SRGAP2: variants seen among roughly 807,000 people sequenced by gnomAD.
The protein encoded by SRGAP2 is SLIT-ROBO Rho GTPase-activating protein 2.
Under a neutral mutation model 57.2 loss-of-function variants are expected in SRGAP2, and 15 were observed. The ratio of observed to expected loss-of-function variants is 0.26; its 90% CI spans 0.18 to 0.40. SRGAP2 has a LOEUF of 0.40. Ranked by LOEUF, SRGAP2 falls within the 10% of genes least tolerant of loss-of-function variation. The probability of loss-of-function intolerance (pLI) is 1.00; values close to 1 mark genes in which losing one functional copy is unlikely to be tolerated. For missense variants in SRGAP2, 520 were observed against 669.6 expected (o/e 0.78, Z 2.47); for synonymous variants, 249 against 248.0 (o/e 1.00, Z -0.04).
In SRGAP2 at chr1:206,463,526, G is replaced by A. The variant is rs565497983; in HGVS notation, c.*2106G>A. 6.5e-6 allele frequency: 1 copy of A among 152,784 alleles called. No individual in the cohort carries two copies. Among genetic ancestry groups the A allele is most frequent in the East Asian group, 1.9e-4 (1 of 5,192 alleles). 9.5% of individuals were successfully genotyped at this position (152,784 alleles called of 1,614,324 possible). A position where few individuals can be genotyped will look rare whatever the true frequency, so the allele number is the denominator to read the frequency against. ...CTCCAGCACACTCCCCTCTAAGAAA[G>A]TAAAAGCAAAGCTTTCTTAATGGCA... On this transcript the variant is annotated 3_prime_UTR_variant, in exon 23 of 23. Transcript: ENST00000573034.
chr1:206,305,513 A>T (rs1241742492), intron 3 of SRGAP2, among the ~76,000 whole-genome samples: 1 of 152,264 alleles, frequency 6.6e-6, no homozygotes, highest in Non-Finnish European at 1.5e-5. Context: ...CCATCTTCTG[A>T]ATTCTTACAG....
intron 2 of SRGAP2, among the ~76,000 whole-genome samples, chr1:206,230,631 T>G (rs1336301223): frequency 6.9e-6 from 1 of 145,330 alleles, no homozygotes; most frequent in Non-Finnish European, 1.5e-5. Flanking sequence ...GGAGCTGTAT[T>G]TTTTTTTTTT....
chr1:206,362,237 AGG>A (rs1676971071), intron 4 of SRGAP2, among the ~76,000 whole-genome samples: 1 of 141,480 alleles, frequency 7.1e-6, no homozygotes, highest in Non-Finnish European at 1.5e-5. Flanking sequence ...GAGGAAAGCC[AGG>A]ATCCTGCTCT....
chr1:206,333,541 T>A lies in SRGAP2; in HGVS notation c.261-9305T>A, dbSNP rs552302556. On this transcript the variant is annotated intron_variant, in intron 3 of 22. Transcript: ENST00000573034. ...TCTACCTCCGTCTCTATTTATTTAT[T>A]TTTTAAGAGACAGGTCCTATGTTGC... 4.3e-6 allele frequency: 4 copies of A among 932,912 alleles called. No individual in the cohort carries two copies. In the African/African-American group the frequency reaches 5.1e-5, roughly 12 times the overall value. 57.8% of individuals were successfully genotyped at this position (932,912 alleles called of 1,614,324 possible).
In SRGAP2 at chr1:206,454,405, G is replaced by A. The variant is rs1663630943; in HGVS notation, c.2361-473G>A. 3 of 577,100 alleles carry A rather than the reference G, an allele frequency of 5.2e-6. No individual in the cohort carries two copies. The South Asian group carries it at 6.5e-5, about 13-fold the overall frequency. The allele number at this position is 577,100 out of a possible 1,614,324, so 35.7% of individuals were successfully genotyped here. ...GGACCGGCTTGGATGCTCTGAGCGG[G>A]GCTAGAGGCGCTACGACAGTGTGTG... On this transcript the variant is annotated intron_variant, in intron 20 of 22. Coordinates refer to ENST00000573034, the MANE Select transcript of SRGAP2 (RefSeq NM_015326.5). This position sits in a 1 kb window ranked among gnomAD's most constrained non-coding sequence, Gnocchi z 4.3.
At chr1:206,226,918 C>T (rs1463869354) in intron 2 of SRGAP2, among the ~76,000 whole-genome samples, 1 of 150,860 alleles carries the variant, frequency 6.6e-6, no homozygotes, top group African/African-American at 2.4e-5. Flanking sequence ...AAAACAGTGA[C>T]TTGGGTAGGG....
At chr1:206,227,031 A>T (rs187608980) in intron 2 of SRGAP2, among the ~76,000 whole-genome samples, 2 of 152,104 alleles carry the variant, frequency 1.3e-5, no homozygotes, top group African/African-American at 4.8e-5. Context: ...TAAATGCTAA[A>T]TAGCAAGTCT....
At chr1:206,435,420 C>T (rs1203629075) in intron 14 of SRGAP2, among the ~76,000 whole-genome samples, 6 of 152,192 alleles carry the variant, frequency 3.9e-5, no homozygotes, top group African/African-American at 1.4e-4. Context: ...GATTGAGACC[C>T]AGGGATCCTG....
At chr1:206,382,854 G>A (rs372491562) in intron 4 of SRGAP2, among the ~76,000 whole-genome samples, 1,921 of 152,014 alleles carry the variant, frequency 0.013, 24 homozygotes, top group South Asian at 0.027. Context: ...TTTGATACCC[G>A]AATTTCTGGT....
intron 13 of SRGAP2, 24 bp from the exon 14 acceptor site, chr1:206,430,135 ATGT>A: frequency 2.6e-6 from 2 of 780,512 alleles, no homozygotes; most frequent in Non-Finnish European, 4.8e-6. Flanking sequence ...GAATATTCTA[ATGT>A]TGTGTTTCCC....
At chr1:206,419,469 A>G (rs1572105064) in intron 12 of SRGAP2, 69 bp downstream of exon 12, 1 of 778,868 alleles carries the variant, frequency 1.3e-6, no homozygotes, top group East Asian at 2.4e-5. Context: ...TTACTCTGGG[A>G]GAGAGCCAAG....
intron 18 of SRGAP2, among the ~76,000 whole-genome samples, chr1:206,449,286 ATTTTTTTTTT>A (rs35698284): frequency 1.8e-5 from 2 of 110,680 alleles, no homozygotes; most frequent in Admixed American, 9.2e-5. Flanking sequence ...ACACTGGATG[ATTTTTTTTTT>A]TTTTTTTTTT....
At chr1:206,210,474 C>T (rs1364025238) in intron 2 of SRGAP2, among the ~76,000 whole-genome samples, 4 of 116,670 alleles carry the variant, frequency 3.4e-5, no homozygotes, top group Admixed American at 3.1e-4. Flanking sequence ...GAGCTGGAAG[C>T]GAAATTTTGT....
chr1:206,454,609 C>G lies in SRGAP2; in HGVS notation c.2361-269C>G. The stretch of plus-strand genomic sequence containing the variant: ...AGCATGGGGTAGAAGGCAGATGCCT[C>G]GAATCCAGGTGTCCCCTAGCCACGC... On this transcript the variant is annotated intron_variant, in intron 20 of 22. Coordinates refer to ENST00000573034, the MANE Select transcript of SRGAP2 (RefSeq NM_015326.5). The surrounding 1 kb of genome is among the most constrained non-coding windows in gnomAD (Gnocchi z 4.3). The G allele has an allele frequency of 4.4e-6, 2 of 457,680 alleles. No individual in the cohort carries two copies. The highest frequency in any genetic ancestry group is 7.7e-6 in the Non-Finnish European group (2 of 259,146). The allele number at this position is 457,680 out of a possible 1,614,324, so 28.4% of individuals were successfully genotyped here. A position where few individuals can be genotyped will look rare whatever the true frequency, so the allele number is the denominator to read the frequency against.
intron 19 of SRGAP2, among the ~76,000 whole-genome samples, chr1:206,452,578 A>G (rs1454431788): frequency 2.0e-5 from 3 of 152,222 alleles, no homozygotes; most frequent in East Asian, 3.8e-4. Context: ...TGGAAACACC[A>G]AAGAAGTTAC....
chr1:206,398,233 G>T (rs1311659556), intron 7 of SRGAP2, among the ~76,000 whole-genome samples: 8 of 152,182 alleles, frequency 5.3e-5, no homozygotes, highest in African/African-American at 1.7e-4. Context: ...GATTCTTCTT[G>T]GAACAGGATG....
At chr1:206,209,886 G>GTTT (rs1666200574) in intron 2 of SRGAP2, among the ~76,000 whole-genome samples, 1 of 36,594 alleles carries the variant, frequency 2.7e-5, no homozygotes, top group Admixed American at 2.1e-4. Context: ...TATGTAAATA[G>GTTT]TTATACTGCT....
rs369366656 is a variant in SRGAP2, at chr1:206,359,967, C to T, written c.423+16959C>T. Among the ~76,000 whole-genome samples, 203 of 150,844 alleles carry T rather than the reference C, an allele frequency of 1.3e-3. 1 individual carries two copies. In the East Asian group the frequency reaches 0.036, roughly 26 times the overall value. On this transcript the variant is annotated intron_variant, in intron 4 of 22. Coordinates refer to ENST00000573034, the MANE Select transcript of SRGAP2 (RefSeq NM_015326.5). ...GACTACAGGCGCCCGCCACTACGCC[C>T]GGCTAATTTTTTGTATTTTTAGTAG...
chr1:206,286,946 A>G (rs1420872850), intron 2 of SRGAP2, among the ~76,000 whole-genome samples: 1 of 152,132 alleles, frequency 6.6e-6, no homozygotes, highest in African/African-American at 2.4e-5. Context: ...GCAGGGCTGC[A>G]GTGTGGAGAG....
Sources: gnomAD v4.1 joint callset for allele counts (sites outside exome capture counted in the v4.1 genomes callset) on GRCh38, gnomAD v4.1.1 for gene constraint, Gnocchi (gnomAD v3.1) non-coding constraint, MANE v1.5 for transcripts, NCBI Gene and HGNC (gene_info 2026-07-23, HGNC 2026-07-21) for gene names.